Variants in FAM169A observed in about 807,000 individuals in gnomAD.
FAM169A encodes the protein soluble lamin-associated protein of 75 kDa.
In FAM169A, 24 loss-of-function variants were observed where a neutral mutation model predicts 75.7. The ratio of observed to expected loss-of-function variants is 0.32; its 90% confidence interval spans 0.23 to 0.45. The LOEUF (loss-of-function observed/expected upper bound fraction) is 0.45, where lower values mean the gene tolerates loss of function less well. Among genes scored for constraint, FAM169A ranks in the 20% least tolerant of loss-of-function variants. The pLI, the probability that FAM169A is intolerant of heterozygous loss-of-function variation, is 1.00. For missense variants in FAM169A, 673 were observed against 784.0 expected, an observed-to-expected ratio of 0.86 and a Z score of 1.69; for synonymous variants, 271 against 271.0, an observed-to-expected ratio of 1.00 and a Z score of 0.00.
intron 1 of FAM169A, among the ~76,000 whole-genome samples, chr5:74,859,434 C>T (rs1351728269): frequency 6.6e-6 from 1 of 151,436 alleles, no homozygotes; most frequent in South Asian, 2.1e-4. Context: ...GGATTACAGG[C>T]ACATGCCATC....
chr5:74,846,625 C>T (rs1749170073), intron 1 of FAM169A, among the ~76,000 whole-genome samples: 1 of 152,166 alleles, frequency 6.6e-6, no homozygotes, highest in South Asian at 2.1e-4. Flanking sequence ...AATCCAAAGT[C>T]ATAACACAGA....
Position 74,821,072 on chromosome 5 carries a change from C to T in FAM169A, c.491-7053G>A, listed in dbSNP as rs550497851. 2.6e-5 allele frequency among the ~76,000 whole-genome samples: 4 copies of T among 152,256 alleles called. No individual in the cohort carries two copies. The South Asian group carries it at 6.2e-4, about 24-fold the overall frequency. On this transcript the variant is annotated intron_variant, in intron 5 of 12. Transcript: ENST00000687041. ...TTAAAATAGTACCTGCTGTCCCACA[C>T]GTTCTATTCTTTTAATTTACTTTGG...
intron 11 of FAM169A, among the ~76,000 whole-genome samples, chr5:74,788,699 C>T (rs1410393632): frequency 6.6e-6 from 1 of 150,810 alleles, no homozygotes; most frequent in African/African-American, 2.4e-5. Flanking sequence ...CAGCGAAACT[C>T]CATCTCAAAA....
In FAM169A at chr5:74,845,505, G is replaced by A. The variant is rs188121653; in HGVS notation, c.-3-3826C>T. Among the ~76,000 whole-genome samples the A allele has an allele frequency of 3.6e-3, 545 of 152,202 alleles. 6 individuals carry two copies. Among genetic ancestry groups the A allele is most frequent in the African/African-American group, 0.013 (523 of 41,522 alleles). On this transcript the variant is annotated intron_variant, in intron 1 of 12. Transcript: ENST00000687041. ...TGCACTCCAGCCTGGGTGACAGAGC[G>A]AGACTCTGTCTCAAAAAATACAAAT...
chr5:74,786,202 C>CA (rs757068614), intron 11 of FAM169A, among the ~76,000 whole-genome samples: 3 of 152,184 alleles, frequency 2.0e-5, no homozygotes, highest in Non-Finnish European at 4.4e-5. Context: ...CCTCAGCTTG[C>CA]AGACAGCCTA....
At position 74,779,907 on chromosome 5, in the gene FAM169A, AAAT is replaced by A. The variant is rs1208985588; in HGVS notation, c.*1550_*1552del. On this transcript the variant is annotated 3_prime_UTR_variant, in exon 13 of 13. Transcript: ENST00000687041. ...TTCAACATCAGTCCTTAGCTACCTC[AAAT>A]AATGACACAAAGTCTTAGTTTCTTT... The A allele has an allele frequency of 2.0e-5, 3 of 152,214 alleles. No homozygotes were observed. The highest frequency in any genetic ancestry group is 4.4e-5 in the Non-Finnish European group (3 of 68,026). 9.4% of individuals were successfully genotyped at this position (152,214 alleles called of 1,614,324 possible). A position where few individuals can be genotyped will look rare whatever the true frequency, so the allele number is the denominator to read the frequency against.
intron 6 of FAM169A, among the ~76,000 whole-genome samples, chr5:74,808,180 T>C (rs540119968): frequency 3.9e-5 from 6 of 152,296 alleles, no homozygotes; most frequent in South Asian, 4.2e-4. Context: ...CCAACATTCA[T>C]TGAAGCATTA....
intron 10 of FAM169A, among the ~76,000 whole-genome samples, chr5:74,798,800 T>C (rs1746411007): frequency 1.3e-5 from 2 of 152,212 alleles, no homozygotes; most frequent in Admixed American, 1.3e-4. Flanking sequence ...AGGAATTCAC[T>C]GTACTATTTA....
Position 74,782,928 on chromosome 5 carries a change from T to TA in FAM169A, c.1464+2dup. The TA allele has an allele frequency of 6.2e-7, 1 of 1,606,344 alleles. No homozygotes were observed. The highest frequency in any genetic ancestry group is 8.5e-7 in the Non-Finnish European group (1 of 1,174,204). ...ATTAAAAAATAGCTCATTGCCCCCT[T>TA]ACCTTATCTGGTGCATCTACCTCAG... On this transcript the variant is annotated splice_region_variant and intron_variant, in intron 12 of 12. Transcript: ENST00000687041.
At chr5:74,805,020 T>C (rs1325844036) in intron 7 of FAM169A, 136 bp downstream of exon 7, 3 of 703,312 alleles carry the variant, frequency 4.3e-6, no homozygotes, top group Non-Finnish European at 7.2e-6. Context: ...AATCACATTA[T>C]AATACACTAC....
chr5:74,778,152 T>C lies in FAM169A; in HGVS notation c.*3308A>G, dbSNP rs1179276510. The C allele has an allele frequency of 2.0e-5, 3 of 152,034 alleles. No individual in the cohort carries two copies. The highest frequency in any genetic ancestry group is 7.2e-5 in the African/African-American group (3 of 41,442). 9.4% of individuals were successfully genotyped at this position (152,034 alleles called of 1,614,324 possible). A position where few individuals can be genotyped will look rare whatever the true frequency, so the allele number is the denominator to read the frequency against. ...GAACCAAAAATACTATCTTGTAAGG[T>C]ACAAAGAAAGCTTGATATTAAGTAT... On this transcript the variant is annotated 3_prime_UTR_variant, in exon 13 of 13. Coordinates refer to ENST00000687041, the MANE Select transcript of FAM169A (RefSeq NM_001376049.1).
chr5:74,863,226 C>A (rs1295451651), intron 1 of FAM169A, among the ~76,000 whole-genome samples: 5 of 152,142 alleles, frequency 3.3e-5, no homozygotes, highest in Non-Finnish European at 7.4e-5. Context: ...CCCTTATTAT[C>A]TTTAAATCAT....
chr5:74,860,603 T>C (rs1307629439), intron 1 of FAM169A, among the ~76,000 whole-genome samples: 1 of 152,082 alleles, frequency 6.6e-6, no homozygotes, highest in East Asian at 1.9e-4. Flanking sequence ...TGGAGAGGGA[T>C]CTAGGCCAAT....
chr5:74,834,382 G>T (rs1479186975), intron 5 of FAM169A, 44 bp downstream of exon 5: 2 of 1,255,368 alleles, frequency 1.6e-6, no homozygotes, highest in Non-Finnish European at 1.1e-6. Flanking sequence ...GTCTAAAATA[G>T]AGATTTCCAT....
At chr5:74,848,111 CAAATCTGTTCTGA>C (rs1749253255) in intron 1 of FAM169A, among the ~76,000 whole-genome samples, 2 of 152,258 alleles carry the variant, frequency 1.3e-5, no homozygotes, top group South Asian at 4.2e-4. Context: ...TTTATGTTTG[CAAATCTGTTCTGA>C]AATCCATTAC....
chr5:74,866,443 T>A, upstream of FAM169A: 1 of 905,662 alleles, frequency 1.1e-6, no homozygotes, highest in Non-Finnish European at 1.3e-6. Flanking sequence ...CCACCGCGAA[T>A]CCCCCCGCCC....
chr5:74,796,123 C>T lies in FAM169A; in HGVS notation c.1167G>A (p.Gln389=), dbSNP rs1299282572. Residue 389 remains glutamine, a synonymous_variant, in exon 11 of 13, where the codon CAG becomes CAA. Transcript: ENST00000687041. Reference sequence around the variant, plus strand: ...TTTCATCCTCAAATTCAATCCCTCTCTGTTCAGGTTCTTCTTCCAGGAATT... The same window carrying T: ...TTTCATCCTCAAATTCAATCCCTCTTTGTTCAGGTTCTTCTTCCAGGAATT... ...SEEFLEEEPE[Q]RGIEFEDESS... 6.2e-7 allele frequency: 1 copy of T among 1,614,128 alleles called. No homozygotes were observed. The highest frequency in any genetic ancestry group is 1.1e-5 in the South Asian group (1 of 91,066).
At chr5:74,826,021 T>C (rs1337032934) in intron 5 of FAM169A, among the ~76,000 whole-genome samples, 1 of 152,160 alleles carries the variant, frequency 6.6e-6, no homozygotes, top group Non-Finnish European at 1.5e-5. Context: ...TCCTGAAACA[T>C]GTATTATTTA....
intron 11 of FAM169A, among the ~76,000 whole-genome samples, chr5:74,784,054 T>G (rs1745546245): frequency 6.6e-6 from 1 of 152,040 alleles, no homozygotes; most frequent in East Asian, 1.9e-4. Context: ...ATACACAGAA[T>G]AGAGTTCACA....
Sources: allele counts gnomAD v4.1 joint callset (sites outside exome capture counted in the v4.1 genomes callset), GRCh38; gene constraint gnomAD v4.1.1; transcripts MANE v1.5; gene names NCBI Gene and HGNC (gene_info 2026-07-23, HGNC 2026-07-21).